The following FBXL7 variants were observed in gnomAD, a reference collection of about 807,000 sequenced individuals.
FBXL7 encodes the protein F-box and leucine rich repeat protein 7.
FBXL7 carries 12 observed loss-of-function variants against 38.3 expected under a neutral mutation model. The observed-to-expected ratio is 0.31, with a 90% CI of 0.20 to 0.51. The LOEUF (loss-of-function observed/expected upper bound fraction) is 0.51. Among genes scored for constraint, FBXL7 ranks in the 20% least tolerant of loss-of-function variants. FBXL7 has a pLI of 0.98. For missense variants in FBXL7, 567 were observed against 676.4 expected (o/e 0.84, Z 1.79); for synonymous variants, 297 against 300.9 (o/e 0.99, Z 0.13).
chr5:15,602,905 C>G (rs1314016045), intron 1 of FBXL7, among the ~76,000 whole-genome samples: 4 of 152,186 alleles, frequency 2.6e-5, no homozygotes, highest in Non-Finnish European at 5.9e-5. Context: ...ACCATCATGG[C>G]TCACTGCAGC....
chr5:15,641,167 C>T (rs1741357314), intron 2 of FBXL7, among the ~76,000 whole-genome samples: 1 of 152,172 alleles, frequency 6.6e-6, no homozygotes, highest in African/African-American at 2.4e-5. Context: ...TCTTTAGGTT[C>T]CTGGTCAGTG....
At chr5:15,588,890 C>T (rs933508459) in intron 1 of FBXL7, among the ~76,000 whole-genome samples, 22 of 152,240 alleles carry the variant, frequency 1.4e-4, no homozygotes, top group African/African-American at 5.3e-4. Flanking sequence ...GATTTTAATC[C>T]AACCTCTTTC....
At chr5:15,620,696 G>T (rs773789810) in intron 2 of FBXL7, among the ~76,000 whole-genome samples, 78 of 152,256 alleles carry the variant, frequency 5.1e-4, no homozygotes, top group Non-Finnish European at 9.4e-4. Flanking sequence ...CTCTGGGGCG[G>T]AACTGGCCTG....
chr5:15,748,546 T>G (rs908519257), intron 2 of FBXL7, among the ~76,000 whole-genome samples: 2 of 152,180 alleles, frequency 1.3e-5, no homozygotes, highest in Non-Finnish European at 2.9e-5. Context: ...CCTGACACCA[T>G]GTGTTTGCTT....
At chr5:15,927,688 T>C (rs764040303) in intron 2 of FBXL7, among the ~76,000 whole-genome samples, 1 of 140,496 alleles carries the variant, frequency 7.1e-6, no homozygotes, top group Non-Finnish European at 1.5e-5. Flanking sequence ...GTCAGGAGAA[T>C]CGCTTGAACC....
intron 1 of FBXL7, among the ~76,000 whole-genome samples, chr5:15,552,820 A>T (rs1268737390): frequency 6.6e-6 from 1 of 152,228 alleles, no homozygotes; most frequent in East Asian, 1.9e-4. Flanking sequence ...ACGATGGCTC[A>T]CGCCTATAAT....
intron 2 of FBXL7, among the ~76,000 whole-genome samples, chr5:15,876,078 CAG>C: frequency 6.6e-6 from 1 of 152,082 alleles, no homozygotes; most frequent in East Asian, 1.9e-4. Flanking sequence ...AGCCATAAAA[CAG>C]AATGAGTTCA....
rs949713328 is a variant in FBXL7 at position 15,537,779 on chromosome 5, C to T, written c.37+37066C>T. The stretch of plus-strand genomic sequence containing the variant: ...TATTTCTCAAAGACCTAATGTAAGT[C>T]TCCCATGAGCAGGAGCCAGGGGCCA... On this transcript the variant is annotated intron_variant, in intron 1 of 3. Coordinates refer to ENST00000504595, the MANE Select transcript of FBXL7 (RefSeq NM_012304.5). Among the ~76,000 whole-genome samples the T allele has an allele frequency of 2.6e-5, 4 of 152,242 alleles. No individual in the cohort carries two copies. The East Asian group carries it at 7.7e-4, about 29-fold the overall frequency.
intron 1 of FBXL7, among the ~76,000 whole-genome samples, chr5:15,562,735 CCT>C (rs969582879): frequency 6.6e-6 from 1 of 152,054 alleles, no homozygotes; most frequent in African/African-American, 2.4e-5. Flanking sequence ...CTCCTCCTTC[CCT>C]CTTTCTTTCA....
intron 2 of FBXL7, among the ~76,000 whole-genome samples, chr5:15,777,100 C>T (rs1266254278): frequency 6.6e-6 from 1 of 152,036 alleles, no homozygotes. Flanking sequence ...TTCCATGCAT[C>T]TTATTAACAA....
At chr5:15,619,661 T>G (rs1740563267) in intron 2 of FBXL7, among the ~76,000 whole-genome samples, 1 of 152,252 alleles carries the variant, frequency 6.6e-6, no homozygotes, top group Admixed American at 6.5e-5. Flanking sequence ...GGCAAGATTC[T>G]TAGTTTAAAG....
chr5:15,841,133 T>G (rs915329989), intron 2 of FBXL7, among the ~76,000 whole-genome samples: 3 of 152,154 alleles, frequency 2.0e-5, no homozygotes, highest in African/African-American at 4.8e-5. Flanking sequence ...TTTGCTCTTT[T>G]TTTCCCAATT....
rs577976599 is a variant in FBXL7 at position 15,828,693 on chromosome 5, G to A, written c.128-99197G>A. On this transcript the variant is annotated intron_variant, in intron 2 of 3. Coordinates refer to ENST00000504595, the MANE Select transcript of FBXL7 (RefSeq NM_012304.5). ...GATTTAAAGTTCTGGGGATCCAGCC[G>A]ACCTTCAGTGCCAAGGAAGGACTTT... Among the ~76,000 whole-genome samples the A allele has an allele frequency of 3.5e-4, 54 of 152,280 alleles. 1 individual carries two copies. In the South Asian group the frequency reaches 0.01, roughly 29 times the overall value.
intron 2 of FBXL7, among the ~76,000 whole-genome samples, chr5:15,693,798 G>T (rs563495094): frequency 6.6e-6 from 1 of 152,126 alleles, no homozygotes; most frequent in African/African-American, 2.4e-5. Flanking sequence ...GAGCCTGGCC[G>T]CTGAGCAGCC....
At chr5:15,580,419 C>T (rs1043000174) in intron 1 of FBXL7, among the ~76,000 whole-genome samples, 1 of 152,136 alleles carries the variant, frequency 6.6e-6, no homozygotes, top group African/African-American at 2.4e-5. Context: ...CAGACTCCCT[C>T]TCTGGATGGG....
At chr5:15,737,419 A>G (rs1005156250) in intron 2 of FBXL7, among the ~76,000 whole-genome samples, 2 of 152,194 alleles carry the variant, frequency 1.3e-5, no homozygotes, top group African/African-American at 4.8e-5. Context: ...ACTTACTTCA[A>G]AAACTCAACC....
intron 2 of FBXL7, among the ~76,000 whole-genome samples, chr5:15,864,182 C>G (rs1739605877): frequency 6.6e-6 from 1 of 151,842 alleles, no homozygotes; most frequent in South Asian, 2.1e-4. Flanking sequence ...GTAGGTGGTT[C>G]CCTATCACTG....
chr5:15,658,460 AGTTCTTGGGAGATCT>A (rs1741950263), intron 2 of FBXL7, among the ~76,000 whole-genome samples: 1 of 152,108 alleles, frequency 6.6e-6, no homozygotes, highest in Non-Finnish European at 1.5e-5. Context: ...CATGATAGTG[AGTTCTTGGGAGATCT>A]GATGGTTTTA....
chr5:15,824,432 G>A (rs1188499669), intron 2 of FBXL7, among the ~76,000 whole-genome samples: 1 of 152,012 alleles, frequency 6.6e-6, no homozygotes, highest in East Asian at 1.9e-4. Flanking sequence ...GGCCCAGTCT[G>A]TGATGCCAAC....
Sources: allele counts gnomAD v4.1 joint callset (sites outside exome capture counted in the v4.1 genomes callset), GRCh38; gene constraint gnomAD v4.1.1; transcripts MANE v1.5; gene names NCBI Gene and HGNC (gene_info 2026-07-23, HGNC 2026-07-21).